EYS: variants seen among roughly 807,000 people sequenced by gnomAD.
EYS encodes the protein EGF-like photoreceptor maintenance factor, also known as protein eyes shut homolog.
Under a neutral mutation model 282.1 loss-of-function variants are expected in EYS, and 250 were observed. The observed-to-expected ratio is 0.89, with a 90% CI of 0.80 to 0.98. EYS has a LOEUF of 0.98. EYS is among the 50% of genes least tolerant of loss of function. The pLI is 0.00. For missense variants in EYS, 4,016 were observed against 3,709.0 expected (o/e 1.08, Z -2.15); for synonymous variants, 1,355 against 1,282.9 (o/e 1.06, Z -1.20).
At chr6:64,497,062 T>A (rs1776911340) in intron 26 of EYS, among the ~76,000 whole-genome samples, 1 of 152,096 alleles carries the variant, frequency 6.6e-6, no homozygotes, top group Non-Finnish European at 1.5e-5. Context: ...CCAGTTTAAT[T>A]AAATATATAT....
intron 12 of EYS, among the ~76,000 whole-genome samples, chr6:65,272,619 C>G (rs966836884): frequency 6.6e-6 from 1 of 152,054 alleles, no homozygotes; most frequent in Admixed American, 6.6e-5. Context: ...GTATCAAAAT[C>G]TGTATTAGTT....
At chr6:63,774,165 A>G (rs1442023988) in intron 40 of EYS, among the ~76,000 whole-genome samples, 1 of 146,480 alleles carries the variant, frequency 6.8e-6, no homozygotes, top group South Asian at 2.2e-4. Flanking sequence ...TTTTTCCTAC[A>G]CTGCTTTTCT....
intron 12 of EYS, among the ~76,000 whole-genome samples, chr6:65,196,775 C>G (rs1405755800): frequency 6.6e-6 from 1 of 152,052 alleles, no homozygotes; most frequent in Non-Finnish European, 1.5e-5. Context: ...CAAATTATCT[C>G]TCTGTCAATG....
intron 12 of EYS, among the ~76,000 whole-genome samples, chr6:65,288,220 G>A (rs1366837271): frequency 6.6e-6 from 1 of 150,690 alleles, no homozygotes; most frequent in African/African-American, 2.4e-5. Flanking sequence ...TATGTCTGAG[G>A]GACAAACATA....
chr6:65,162,732 T>C (rs571756482), intron 12 of EYS, among the ~76,000 whole-genome samples: 1 of 151,296 alleles, frequency 6.6e-6, no homozygotes, highest in African/African-American at 2.4e-5. Context: ...TATATTATTC[T>C]CATTGGTGTT....
At chr6:64,040,663 C>T (rs1005806412) in intron 33 of EYS, among the ~76,000 whole-genome samples, 1 of 152,196 alleles carries the variant, frequency 6.6e-6, no homozygotes, top group African/African-American at 2.4e-5. Context: ...AAATACAGCA[C>T]ACTTAAAATT....
intron 26 of EYS, among the ~76,000 whole-genome samples, chr6:64,551,026 T>C (rs2149805504): frequency 6.6e-6 from 1 of 152,202 alleles, no homozygotes; most frequent in East Asian, 1.9e-4. Flanking sequence ...AAAGCCTAGC[T>C]ATAGTAGCTT....
intron 19 of EYS, among the ~76,000 whole-genome samples, chr6:64,883,962 T>C (rs1032812655): frequency 4.0e-5 from 6 of 151,548 alleles, no homozygotes; most frequent in African/African-American, 1.4e-4. Context: ...ATACCACAAG[T>C]CTTCATAAGA....
chr6:64,632,213 C>T (rs1337962197), intron 22 of EYS, among the ~76,000 whole-genome samples: 1 of 152,044 alleles, frequency 6.6e-6, no homozygotes, highest in African/African-American at 2.4e-5. Flanking sequence ...TGACTTCATA[C>T]AATTTCAGAA....
intron 5 of EYS, among the ~76,000 whole-genome samples, chr6:65,464,530 C>G (rs144716166): frequency 6.6e-6 from 1 of 152,080 alleles, no homozygotes; most frequent in Non-Finnish European, 1.5e-5. Flanking sequence ...TTAATGTAAT[C>G]AATATACAAA....
At chr6:65,569,907 A>G (rs960543147) in intron 2 of EYS, among the ~76,000 whole-genome samples, 1 of 152,096 alleles carries the variant, frequency 6.6e-6, no homozygotes, top group Admixed American at 6.6e-5. Flanking sequence ...CTCTATTTTA[A>G]TTCTTTTATC....
intron 13 of EYS, among the ~76,000 whole-genome samples, chr6:65,007,719 T>A (rs1302676939): frequency 6.6e-6 from 1 of 152,020 alleles, no homozygotes; most frequent in Non-Finnish European, 1.5e-5. Context: ...AGAGTGCCAA[T>A]GTTCCCCAAT....
At chr6:64,553,679 C>CAAGTA (rs2149807311) in intron 26 of EYS, among the ~76,000 whole-genome samples, 1 of 151,476 alleles carries the variant, frequency 6.6e-6, no homozygotes, top group East Asian at 2.0e-4. Context: ...CCTGAGTTAA[C>CAAGTA]TCTGTGTCAA....
At chr6:65,137,837 A>T (rs76492754) in intron 12 of EYS, among the ~76,000 whole-genome samples, 1,551 of 152,236 alleles carry the variant, frequency 0.01, 23 homozygotes, top group Middle Eastern at 0.02. Flanking sequence ...TTGAATCTCA[A>T]TTATATTTAT....
At chr6:65,246,061 A>T (rs866088457) in intron 12 of EYS, among the ~76,000 whole-genome samples, 34 of 152,240 alleles carry the variant, frequency 2.2e-4, no homozygotes, top group Middle Eastern at 6.8e-3. Flanking sequence ...AATGCAAAAT[A>T]GCAATGTGAA....
At chr6:65,293,661 TC>T (rs1768587296) in intron 12 of EYS, among the ~76,000 whole-genome samples, 1 of 151,858 alleles carries the variant, frequency 6.6e-6, no homozygotes, top group Admixed American at 6.6e-5. Flanking sequence ...GGTTCACAGA[TC>T]AGCAGTGTAA....
chr6:63,781,786 G>A (rs1770235867), intron 39 of EYS, among the ~76,000 whole-genome samples: 1 of 152,122 alleles, frequency 6.6e-6, no homozygotes, highest in South Asian at 2.1e-4. Flanking sequence ...CCAACAGTAT[G>A]TTGAATGGGA....
chr6:65,054,396 GA>G (rs1421480441), intron 13 of EYS, among the ~76,000 whole-genome samples: 3 of 151,936 alleles, frequency 2.0e-5, no homozygotes, highest in Non-Finnish European at 2.9e-5. Context: ...TAGAAGAAAT[GA>G]AAAAGTTAAA....
At chr6:65,169,600 T>C (rs964774975) in intron 12 of EYS, among the ~76,000 whole-genome samples, 4 of 151,424 alleles carry the variant, frequency 2.6e-5, no homozygotes, top group African/African-American at 7.3e-5. Context: ...TTACAAGAGT[T>C]AAAACAATTA....
Sources: gnomAD v4.1 joint callset for allele counts (sites outside exome capture counted in the v4.1 genomes callset) on GRCh38, gnomAD v4.1.1 for gene constraint, MANE v1.5 for transcripts, NCBI Gene and HGNC (gene_info 2026-07-23, HGNC 2026-07-21) for gene names.